The following SDHC variants were observed in gnomAD, a reference collection of about 807,000 sequenced individuals.
The protein encoded by SDHC is succinate dehydrogenase cytochrome b560 subunit, mitochondrial.
In SDHC, 11 loss-of-function variants were observed where a neutral mutation model predicts 22.6. The observed-to-expected ratio is 0.49, with a 90% CI of 0.31 to 0.81. The LOEUF (loss-of-function observed/expected upper bound fraction) is 0.81. SDHC is among the 30% of genes least tolerant of loss of function. The pLI is 0.05. For missense variants in SDHC, 160 were observed against 212.0 expected (o/e 0.75, Z 1.52); for synonymous variants, 80 against 77.8 (o/e 1.03, Z -0.15).
At chr1:161,347,605 C>T (rs1466113150) in intron 4 of SDHC, among the ~76,000 whole-genome samples, 3 of 151,502 alleles carry the variant, frequency 2.0e-5, no homozygotes, top group African/African-American at 4.8e-5. Flanking sequence ...CGGTGGCTCA[C>T]ACCTGTAATC....
intron 4 of SDHC, among the ~76,000 whole-genome samples, chr1:161,344,296 T>A (rs1239959357): frequency 6.6e-6 from 1 of 150,838 alleles, no homozygotes; most frequent in Non-Finnish European, 1.5e-5. Context: ...TCTCAAAAAA[T>A]AAAATAAAAT....
intron 2 of SDHC, among the ~76,000 whole-genome samples, chr1:161,325,220 AAAG>A (rs1438594231): frequency 6.6e-6 from 1 of 151,982 alleles, no homozygotes; most frequent in Non-Finnish European, 1.5e-5. Context: ...ATTTTAAAAA[AAAG>A]AAGATTGGAT....
chr1:161,317,742 G>A (rs968064615), intron 1 of SDHC, among the ~76,000 whole-genome samples: 2 of 150,756 alleles, frequency 1.3e-5, no homozygotes, highest in African/African-American at 2.4e-5. Flanking sequence ...TGTATTTTTA[G>A]TAGAGACGGG....
chr1:161,344,493 T>C (rs1378363252), intron 4 of SDHC, among the ~76,000 whole-genome samples: 1 of 152,072 alleles, frequency 6.6e-6, no homozygotes, highest in Non-Finnish European at 1.5e-5. Context: ...GTTTTTTTTC[T>C]GTCTTTACCC....
intron 3 of SDHC, among the ~76,000 whole-genome samples, chr1:161,334,062 T>C (rs1671381855): frequency 1.3e-5 from 2 of 152,228 alleles, no homozygotes; most frequent in Admixed American, 6.5e-5. Context: ...TATAGTTCTG[T>C]GGGTCAGAAG....
chr1:161,328,324 A>T, intron 2 of SDHC, 72 bp from the exon 3 acceptor site: 1 of 1,248,586 alleles, frequency 8.0e-7, no homozygotes, highest in Non-Finnish European at 1.2e-6. Context: ...ATATTGACTT[A>T]ATAAAACGTT....
chr1:161,339,810 A>G (rs545333696), intron 3 of SDHC, among the ~76,000 whole-genome samples: 1 of 151,480 alleles, frequency 6.6e-6, no homozygotes, highest in African/African-American at 2.4e-5. Context: ...CCTCCCGAGT[A>G]ACTGAGATTA....
chr1:161,353,690 T>C (rs924448654), intron 4 of SDHC, among the ~76,000 whole-genome samples: 5 of 152,122 alleles, frequency 3.3e-5, no homozygotes, highest in African/African-American at 1.2e-4. Flanking sequence ...TTAAAAAAAA[T>C]CATCCACATA....
intron 3 of SDHC, among the ~76,000 whole-genome samples, chr1:161,335,206 A>C (rs1490104581): frequency 6.6e-6 from 1 of 152,148 alleles, no homozygotes; most frequent in Non-Finnish European, 1.5e-5. Context: ...CTGTCAGTAC[A>C]TTGTATCAGG....
Position 161,317,956 on chromosome 1 carries a change from A to C in SDHC, c.20+3531A>C, listed in dbSNP as rs549652697. Among the ~76,000 whole-genome samples, 13 of 151,982 alleles carry C rather than the reference A, an allele frequency of 8.6e-5. No individual in the cohort carries two copies. The South Asian group carries it at 2.7e-3, about 32-fold the overall frequency. On this transcript the variant is annotated intron_variant, in intron 1 of 5. Coordinates refer to ENST00000367975, the MANE Select transcript of SDHC (RefSeq NM_003001.5). ...TGGGAGGCTGAGGCTGTCAGATCAC[A>C]AGGTCAGGAGATCAAGACCATCCTG...
chr1:161,353,020 T>C (rs1486862623), intron 4 of SDHC, among the ~76,000 whole-genome samples: 1 of 152,154 alleles, frequency 6.6e-6, no homozygotes, highest in African/African-American at 2.4e-5. Context: ...TGGGGGTATG[T>C]AGTAGTAGAA....
intron 5 of SDHC, among the ~76,000 whole-genome samples, chr1:161,357,596 TC>T (rs759703934): frequency 2.0e-5 from 3 of 151,900 alleles, no homozygotes; most frequent in African/African-American, 7.3e-5. Context: ...AGATGGGGTT[TC>T]CCCATGTTAG....
chr1:161,359,758 C>G (rs544206763), intron 5 of SDHC, among the ~76,000 whole-genome samples: 1 of 152,010 alleles, frequency 6.6e-6, no homozygotes, highest in Non-Finnish European at 1.5e-5. Flanking sequence ...TTTGTGTTTT[C>G]TGTGACAGTC....
At chr1:161,339,401 A>G in intron 3 of SDHC, among the ~76,000 whole-genome samples, 1 of 145,540 alleles carries the variant, frequency 6.9e-6, no homozygotes, top group African/African-American at 2.6e-5. Context: ...GCCTAGGTTG[A>G]CCTTGAACTC....
chr1:161,318,899 TTGTGGGTGCC>T (rs1223915681), intron 1 of SDHC, among the ~76,000 whole-genome samples: 9 of 151,920 alleles, frequency 5.9e-5, no homozygotes, highest in African/African-American at 2.2e-4. Flanking sequence ...CTGGGCGTGG[TTGTGGGTGCC>T]TGTGGGTGCT....
intron 4 of SDHC, among the ~76,000 whole-genome samples, chr1:161,352,854 G>GTA (rs1333306640): frequency 3.3e-5 from 5 of 152,146 alleles, no homozygotes; most frequent in African/African-American, 1.2e-4. Flanking sequence ...GCACACACCC[G>GTA]TAGTCCCAGC....
intron 5 of SDHC, among the ~76,000 whole-genome samples, chr1:161,360,582 G>T (rs1672468930): frequency 6.9e-6 from 1 of 145,982 alleles, no homozygotes; most frequent in African/African-American, 2.5e-5. Flanking sequence ...AAAAGTGGGG[G>T]TGGGTGGTGG....
At chr1:161,343,597 A>C (rs1464848488) in intron 4 of SDHC, among the ~76,000 whole-genome samples, 1 of 152,126 alleles carries the variant, frequency 6.6e-6, no homozygotes, top group East Asian at 1.9e-4. Context: ...TGATAGGGTA[A>C]ATCTCAAGAT....
At chr1:161,357,083 A>G (rs2102372248) in intron 5 of SDHC, among the ~76,000 whole-genome samples, 1 of 149,514 alleles carries the variant, frequency 6.7e-6, no homozygotes, top group South Asian at 2.2e-4. Flanking sequence ...GACGCATGCC[A>G]CCACTCCTGG....
Sources: allele counts gnomAD v4.1 joint callset (sites outside exome capture counted in the v4.1 genomes callset), GRCh38; gene constraint gnomAD v4.1.1; transcripts MANE v1.5; gene names NCBI Gene and HGNC (gene_info 2026-07-23, HGNC 2026-07-21).